ZNF608: variants seen among roughly 807,000 people sequenced by gnomAD.
ZNF608 encodes the protein zinc finger protein 608.
In ZNF608, 12 loss-of-function variants were observed where a neutral mutation model predicts 109.0. The observed-to-expected ratio is 0.11, with a 90% CI of 0.07 to 0.18. The LOEUF (loss-of-function observed/expected upper bound fraction) is 0.18. ZNF608 is among the 10% of genes least tolerant of loss of function. ZNF608 has a pLI of 1.00. For missense variants in ZNF608, 1,707 were observed against 1,879.3 expected, an observed-to-expected ratio of 0.91 and a Z score of 1.70; for synonymous variants, 732 against 717.4, an observed-to-expected ratio of 1.02 and a Z score of -0.33.
At chr5:124,687,825 A>C (rs983826957) in intron 3 of ZNF608, among the ~76,000 whole-genome samples, 17 of 152,176 alleles carry the variant, frequency 1.1e-4, no homozygotes, top group African/African-American at 4.1e-4. Context: ...ACTTTTAAAA[A>C]CTACCTTGAT....
intron 2 of ZNF608, among the ~76,000 whole-genome samples, chr5:124,725,426 T>C (rs1258300342): frequency 6.6e-6 from 1 of 152,098 alleles, no homozygotes; most frequent in Non-Finnish European, 1.5e-5. Flanking sequence ...ATATTTTTAC[T>C]AGGTATTTTT....
intron 6 of ZNF608, 102 bp downstream of exon 6, chr5:124,644,142 C>A (rs1372657159): frequency 9.1e-7 from 1 of 1,100,666 alleles, no homozygotes; most frequent in Non-Finnish European, 1.3e-6. Context: ...ACAAGGAAAA[C>A]AAATGTCACT....
At chr5:124,667,407 C>T (rs919852617) in intron 3 of ZNF608, among the ~76,000 whole-genome samples, 3 of 152,330 alleles carry the variant, frequency 2.0e-5, no homozygotes, top group Middle Eastern at 3.4e-3. Flanking sequence ...AGTGTTCATT[C>T]TGTGCAAGTC....
chr5:124,734,457 AC>A (rs1375756849), intron 2 of ZNF608, among the ~76,000 whole-genome samples: 2 of 152,138 alleles, frequency 1.3e-5, no homozygotes, highest in Admixed American at 1.3e-4. Context: ...AGTGATGATC[AC>A]CCTCTATACA....
intron 2 of ZNF608, among the ~76,000 whole-genome samples, chr5:124,724,801 T>A (rs1448285135): frequency 6.6e-6 from 1 of 152,150 alleles, no homozygotes; most frequent in Non-Finnish European, 1.5e-5. Context: ...TAACATCATC[T>A]CCCTCAACCA....
chr5:124,650,609 A>G (rs2149792541), intron 3 of ZNF608, among the ~76,000 whole-genome samples: 1 of 152,378 alleles, frequency 6.6e-6, no homozygotes, highest in Non-Finnish European at 1.5e-5. Flanking sequence ...AGAAAATATA[A>G]TATCCTCTTT....
intron 3 of ZNF608, among the ~76,000 whole-genome samples, chr5:124,669,348 A>G (rs10059526): frequency 0.32 from 48,222 of 152,020 alleles, 8,718 homozygotes; most frequent in African/African-American, 0.49. Flanking sequence ...CTGCATCCTC[A>G]GATGCACACT....
chr5:124,673,454 G>T (rs1319094389), intron 3 of ZNF608, among the ~76,000 whole-genome samples: 1 of 152,100 alleles, frequency 6.6e-6, no homozygotes, highest in Non-Finnish European at 1.5e-5. Context: ...ACAAGAGATG[G>T]TCTTAAACTT....
intron 7 of ZNF608, among the ~76,000 whole-genome samples, chr5:124,642,791 C>T (rs567358090): frequency 1.9e-4 from 28 of 149,350 alleles, no homozygotes; most frequent in Non-Finnish European, 3.1e-4. Context: ...CTCTGCCTCT[C>T]GGGCTCAAGC....
chr5:124,667,483 T>C (rs1161319986), intron 3 of ZNF608, among the ~76,000 whole-genome samples: 1 of 152,130 alleles, frequency 6.6e-6, no homozygotes, highest in East Asian at 1.9e-4. Flanking sequence ...AGAAAACAAG[T>C]GGCAACATCA....
At chr5:124,709,479 T>C (rs1416331526) in intron 2 of ZNF608, among the ~76,000 whole-genome samples, 1 of 152,196 alleles carries the variant, frequency 6.6e-6, no homozygotes, top group Non-Finnish European at 1.5e-5. Flanking sequence ...TGAAGCCAAA[T>C]TAAATTCCTC....
Position 124,644,251 on chromosome 5 carries a change from A to G in ZNF608, c.4116T>C (p.Ser1372=). ...YRAVSPVLMH[S]YPGAYLSPGF... ...AGAACCGACAACACGTACCAGGATA[A>G]CTGTGCATTAGGACGGGAGAAACAG... Residue 1372 remains serine (S), a synonymous_variant, in exon 6 of 10, where the codon AGT becomes AGC. Transcript: ENST00000513986. 6.2e-7 allele frequency: 1 copy of G among 1,606,362 alleles called. No individual in the cohort carries two copies. The highest frequency in any genetic ancestry group is 8.5e-7 in the Non-Finnish European group (1 of 1,173,758).
At chr5:124,714,192 A>G (rs1048703189) in intron 2 of ZNF608, among the ~76,000 whole-genome samples, 3 of 152,186 alleles carry the variant, frequency 2.0e-5, no homozygotes, top group Non-Finnish European at 4.4e-5. Flanking sequence ...AGAAACAACC[A>G]TCCTATGTAA....
upstream of ZNF608, among the ~76,000 whole-genome samples, chr5:124,748,185 G>A (rs1749706904): frequency 3.3e-5 from 5 of 152,254 alleles, no homozygotes; most frequent in South Asian, 1.0e-3. Context: ...CGCTTTGGGA[G>A]GGGGGTCTGC....
At chr5:124,669,589 T>C (rs547628029) in intron 3 of ZNF608, among the ~76,000 whole-genome samples, 48 of 152,242 alleles carry the variant, frequency 3.2e-4, no homozygotes, top group African/African-American at 6.5e-4. Flanking sequence ...GGAGGAACTA[T>C]AGCGTAGGTT....
chr5:124,696,474 T>A (rs942388195), intron 3 of ZNF608, among the ~76,000 whole-genome samples: 1 of 151,994 alleles, frequency 6.6e-6, no homozygotes, highest in African/African-American at 2.4e-5. Context: ...CTTAATACTA[T>A]GGGGTTCTGA....
At chr5:124,714,261 G>A (rs76858658) in intron 2 of ZNF608, among the ~76,000 whole-genome samples, 28,835 of 152,056 alleles carry the variant, frequency 0.19, 2,899 homozygotes, top group Admixed American at 0.27. Flanking sequence ...TATCTTAATT[G>A]CCCCATAAGT....
Position 124,637,027 on chromosome 5 carries a change from T to C in ZNF608, c.*873A>G, listed in dbSNP as rs185630740. ...ACATAAAATAAACTAGATTACAGCA[T>C]AAAACAAGTAACCAGGCAATGGCGT... On this transcript the variant is annotated 3_prime_UTR_variant, in exon 10 of 10. Coordinates refer to ENST00000513986, the MANE Select transcript of ZNF608 (RefSeq NM_020747.3). The C allele has an allele frequency of 1.7e-3, 248 of 147,438 alleles. No homozygotes were observed. Among genetic ancestry groups the C allele is most frequent in the African/African-American group, 6.0e-3 (241 of 39,996 alleles). 9.1% of individuals were successfully genotyped at this position (147,438 alleles called of 1,614,324 possible).
chr5:124,738,914 T>C (rs560254644), intron 2 of ZNF608, among the ~76,000 whole-genome samples: 5 of 152,310 alleles, frequency 3.3e-5, no homozygotes, highest in Non-Finnish European at 7.4e-5. Flanking sequence ...GATCACACAC[T>C]TGTTAACAAA....
Sources: gnomAD v4.1 joint callset for allele counts (sites outside exome capture counted in the v4.1 genomes callset) on GRCh38, gnomAD v4.1.1 for gene constraint, MANE v1.5 for transcripts, NCBI Gene and HGNC (gene_info 2026-07-23, HGNC 2026-07-21) for gene names.